The following NOL4 variants were observed in gnomAD, a reference collection of about 807,000 sequenced individuals.
NOL4 encodes the protein nucleolar protein 4, also known as cancer/testis antigen 125.
A neutral mutation model predicts 75.9 loss-of-function variants in NOL4; 17 were observed. The observed-to-expected ratio is 0.22, with a 90% confidence interval of 0.15 to 0.34. The LOEUF (loss-of-function observed/expected upper bound fraction) is 0.34. NOL4 is among the 10% of genes least tolerant of loss of function. The probability of loss-of-function intolerance (pLI) is 1.00; values close to 1 mark genes in which losing one functional copy is unlikely to be tolerated. For missense variants in NOL4, 614 were observed against 793.5 expected (o/e 0.77, Z 2.72); for synonymous variants, 292 against 289.9 (o/e 1.01, Z -0.07).
At chr18:33,941,925 G>T (rs910196385) in intron 9 of NOL4, among the ~76,000 whole-genome samples, 2 of 151,890 alleles carry the variant, frequency 1.3e-5, no homozygotes, top group Non-Finnish European at 1.5e-5. Flanking sequence ...ATCAACACTG[G>T]TGGCACGATT....
intron 10 of NOL4, among the ~76,000 whole-genome samples, chr18:33,871,798 A>G (rs762027443): frequency 2.6e-5 from 4 of 152,058 alleles, no homozygotes; most frequent in Non-Finnish European, 5.9e-5. Flanking sequence ...ATGTTGAACT[A>G]TAAAACCAAT....
chr18:33,876,588 A>C lies in NOL4; in HGVS notation c.1723+6656T>G, dbSNP rs115465288. Among the ~76,000 whole-genome samples, 728 of 152,190 alleles carry C rather than the reference A, an allele frequency of 4.8e-3. 10 individuals are homozygous for C. The highest frequency in any genetic ancestry group is 0.017 in the African/African-American group (695 of 41,552). On this transcript the variant is annotated intron_variant, in intron 10 of 10. Transcript: ENST00000261592. ...TCTCAAGATTTATGCATATGTATGT[A>C]GTTTCTTTCTCCAGAGCTCCAAAAC...
intron 9 of NOL4, among the ~76,000 whole-genome samples, chr18:33,901,733 A>C (rs1434143174): frequency 6.6e-6 from 1 of 152,086 alleles, no homozygotes; most frequent in East Asian, 1.9e-4. Context: ...ATTCTAGTTG[A>C]CATAATAATT....
Position 34,054,195 on chromosome 18 carries a change from T to C in NOL4, c.773-34594A>G, listed in dbSNP as rs891810594. Among the ~76,000 whole-genome samples the C allele has an allele frequency of 2.6e-5, 4 of 152,090 alleles. No individual in the cohort carries two copies. The South Asian group carries it at 6.2e-4, about 24-fold the overall frequency. On this transcript the variant is annotated intron_variant, in intron 5 of 10. Coordinates refer to ENST00000261592, the MANE Select transcript of NOL4 (RefSeq NM_003787.5). ...TGAGAAGAATGACTGGAGTGTTCTT[T>C]ATATGTATGTTAGGTCCAATTAGCT...
rs533045230 is a variant in NOL4 at position 34,069,352 on chromosome 18, GA to G, written c.772+24112del. ...AGGAATTATCTAAACTAAAACATGAGAAAAAAGATTGTAAAATCAAGTGGAA... is the reference window on the plus strand; with the variant it reads ...AGGAATTATCTAAACTAAAACATGAGAAAAAGATTGTAAAATCAAGTGGAA... On this transcript the variant is annotated intron_variant, in intron 5 of 10. Transcript: ENST00000261592. Among the ~76,000 whole-genome samples, 396 of 152,160 alleles carry G rather than the reference GA, an allele frequency of 2.6e-3. 2 individuals carry two copies. Among genetic ancestry groups the G allele is most frequent in the African/African-American group, 9.0e-3 (372 of 41,516 alleles).
In NOL4 at chr18:34,123,532, C is replaced by CATATATATAT. The variant is rs34954122; in HGVS notation, c.414+6329_414+6338dup. Among the ~76,000 whole-genome samples the CATATATATAT allele has an allele frequency of 2.7e-3, 346 of 129,288 alleles. 2 individuals carry two copies. The highest frequency in any genetic ancestry group is 8.4e-3 in the African/African-American group (292 of 34,926). 84.8% of individuals were successfully genotyped at this position (129,288 alleles called of 152,430 possible). ...GAGATATCATTATATATGTGATAAC[C>CATATATATAT]ATATATATATATATATATATATATA... On this transcript the variant is annotated intron_variant, in intron 2 of 10. Transcript: ENST00000261592.
chr18:34,103,966 A>G, intron 4 of NOL4, 81 bp downstream of exon 4: 1 of 910,472 alleles, frequency 1.1e-6, no homozygotes, highest in Admixed American at 1.8e-5. Context: ...TCAAAATGCC[A>G]TCATGCTTAA....
rs117042470 is a variant in NOL4 at position 34,167,346 on chromosome 18, A to G, written c.265-37326T>C. Among the ~76,000 whole-genome samples the G allele has an allele frequency of 8.5e-3, 1,296 of 152,146 alleles. 11 individuals carry two copies. Among genetic ancestry groups the G allele is most frequent in the Non-Finnish European group, 0.012 (801 of 67,960 alleles). The stretch of plus-strand genomic sequence containing the variant: ...GATTTCTTACACCTCCTACATATCC[A>G]GTTACTAAGTGTTAATTGTTAAACA... On this transcript the variant is annotated intron_variant, in intron 1 of 10. Transcript: ENST00000261592.
intron 1 of NOL4, among the ~76,000 whole-genome samples, chr18:34,203,084 T>C (rs917664160): frequency 2.0e-5 from 3 of 152,004 alleles, no homozygotes; most frequent in African/African-American, 7.2e-5. Flanking sequence ...ACACACATAC[T>C]ATGAAATACT....
intron 9 of NOL4, among the ~76,000 whole-genome samples, chr18:33,928,595 C>T (rs2067487011): frequency 6.6e-6 from 1 of 152,098 alleles, no homozygotes. Flanking sequence ...AATACAATGA[C>T]ATTTATACTT....
intron 5 of NOL4, among the ~76,000 whole-genome samples, chr18:34,051,627 T>C (rs897908080): frequency 2.6e-5 from 4 of 152,108 alleles, no homozygotes; most frequent in African/African-American, 7.2e-5. Flanking sequence ...TAGACCACTG[T>C]GCCTGTCTTC....
intron 1 of NOL4, among the ~76,000 whole-genome samples, chr18:34,192,050 C>G (rs1420981329): frequency 6.6e-6 from 1 of 152,074 alleles, no homozygotes; most frequent in African/African-American, 2.4e-5. Flanking sequence ...GTACATCTCT[C>G]CACTATGTCA....
At chr18:34,117,550 C>T (rs1408804903) in intron 2 of NOL4, among the ~76,000 whole-genome samples, 1 of 152,166 alleles carries the variant, frequency 6.6e-6, no homozygotes, top group Non-Finnish European at 1.5e-5. Flanking sequence ...TGTACCTTGT[C>T]TCAGGTTACA....
At chr18:34,156,421 A>G (rs2030398553) in intron 1 of NOL4, among the ~76,000 whole-genome samples, 1 of 152,152 alleles carries the variant, frequency 6.6e-6, no homozygotes, top group Non-Finnish European at 1.5e-5. Flanking sequence ...TTAACTCTGG[A>G]GCCTACTTTC....
At chr18:33,910,576 C>T (rs1490581485) in intron 9 of NOL4, among the ~76,000 whole-genome samples, 1 of 152,010 alleles carries the variant, frequency 6.6e-6, no homozygotes, top group African/African-American at 2.4e-5. Context: ...TTTCCCTAAC[C>T]CACCCCACGC....
chr18:34,119,238 A>G (rs1233565368), intron 2 of NOL4, among the ~76,000 whole-genome samples: 1 of 152,194 alleles, frequency 6.6e-6, no homozygotes, highest in East Asian at 1.9e-4. Flanking sequence ...TTATCTATCT[A>G]TAGATAGAGT....
intron 5 of NOL4, among the ~76,000 whole-genome samples, chr18:34,035,390 G>A (rs1018664530): frequency 1.3e-5 from 2 of 151,968 alleles, no homozygotes; most frequent in Non-Finnish European, 2.9e-5. Context: ...AATTAAGCTG[G>A]AAATTTAAAA....
intron 1 of NOL4, among the ~76,000 whole-genome samples, chr18:34,153,596 G>T (rs1331540485): frequency 6.6e-6 from 1 of 151,914 alleles, no homozygotes; most frequent in Non-Finnish European, 1.5e-5. Flanking sequence ...ATAAATCAGT[G>T]AATATGGCAC....
chr18:34,150,081 G>A (rs558898458), intron 1 of NOL4, among the ~76,000 whole-genome samples: 1 of 151,676 alleles, frequency 6.6e-6, no homozygotes, highest in African/African-American at 2.4e-5. Flanking sequence ...TCTAAAATAT[G>A]ATGATAATTA....
Sources: allele counts gnomAD v4.1 joint callset (sites outside exome capture counted in the v4.1 genomes callset), GRCh38; gene constraint gnomAD v4.1.1; transcripts MANE v1.5; gene names NCBI Gene and HGNC (gene_info 2026-07-23, HGNC 2026-07-21).